The following ABCB1 variants were observed in gnomAD, a reference collection of about 807,000 sequenced individuals.
ABCB1 encodes the protein ATP-dependent translocase ABCB1.
Under a neutral mutation model 142.0 loss-of-function variants are expected in ABCB1, and 69 were observed. The ratio of observed to expected loss-of-function variants is 0.49; its 90% confidence interval spans 0.40 to 0.59. The LOEUF is 0.59. ABCB1 is among the 20% of genes least tolerant of loss of function. ABCB1 has a pLI of 0.00. For synonymous variants in ABCB1, 532 were observed against 539.2 expected (o/e 0.99, Z 0.18); for missense variants, 1,326 against 1,554.7 (o/e 0.85, Z 2.47).
At chr7:87,540,784 C>A (rs907407513) in intron 18 of ABCB1, among the ~76,000 whole-genome samples, 1 of 152,168 alleles carries the variant, frequency 6.6e-6, no homozygotes, top group Non-Finnish European at 1.5e-5. Flanking sequence ...TAATTCCTTG[C>A]CATTTCATTT....
At chr7:87,533,609 T>C (rs1181195241) in intron 20 of ABCB1, among the ~76,000 whole-genome samples, 1 of 152,212 alleles carries the variant, frequency 6.6e-6, no homozygotes, top group African/African-American at 2.4e-5. Flanking sequence ...CTCACTGTCC[T>C]ACATCTATTT....
chr7:87,709,124 A>G (rs1431123274), intron 1 of ABCB1: 1 of 315,306 alleles, frequency 3.2e-6, no homozygotes, highest in Non-Finnish European at 4.6e-6. Flanking sequence ...CTTATAATAT[A>G]ACAGGATTCC....
rs528218515 is a variant in ABCB1, at chr7:87,617,807, C to T, written c.-330-16729G>A. 2.0e-4 allele frequency among the ~76,000 whole-genome samples: 31 copies of T among 152,228 alleles called. No individual in the cohort carries two copies. In the East Asian group the frequency reaches 5.8e-3, roughly 28 times the overall value. ...GTTTCAAACTGTTCCAAGGGCTTCT[C>T]AACATTCTTAGGATAAAGATGAAAA... On this transcript the variant is annotated intron_variant, in intron 1 of 28. Coordinates refer to the ABCB1 transcript ENST00000265724.
At chr7:87,615,717 C>T (rs941252643) in intron 1 of ABCB1, among the ~76,000 whole-genome samples, 5 of 152,208 alleles carry the variant, frequency 3.3e-5, no homozygotes, top group African/African-American at 1.2e-4. Flanking sequence ...AATTTGTAGA[C>T]TTTGTGATAC....
At chr7:87,570,405 T>C (rs1354117128) in intron 4 of ABCB1, among the ~76,000 whole-genome samples, 182 bp from the exon 5 acceptor site, 1 of 152,246 alleles carries the variant, frequency 6.6e-6, no homozygotes, top group Non-Finnish European at 1.5e-5. Context: ...GCTGACTGTG[T>C]GCAACCACAT....
chr7:87,621,939 T>C (rs1388649038), intron 1 of ABCB1, among the ~76,000 whole-genome samples: 1 of 152,126 alleles, frequency 6.6e-6, no homozygotes, highest in Non-Finnish European at 1.5e-5. Flanking sequence ...ATAAATAGAA[T>C]TGGGACAGTG....
In ABCB1 at chr7:87,560,522, T is replaced by C. The variant is rs577667382; in HGVS notation, c.827+741A>G. 2.0e-5 allele frequency among the ~76,000 whole-genome samples: 3 copies of C among 152,332 alleles called. No homozygotes were observed. In the East Asian group the frequency reaches 5.8e-4, roughly 29 times the overall value. On this transcript the variant is annotated intron_variant, in intron 8 of 27. Transcript: ENST00000622132. ...TAGAGCTAACCATTATTCTGATTTC[T>C]GAAAATTCCCTTGGTTTTCTTCATG... is the stretch of plus-strand genomic sequence containing the variant.
At chr7:87,571,948 G>C (rs1818075017) in intron 4 of ABCB1, among the ~76,000 whole-genome samples, 1 of 152,160 alleles carries the variant, frequency 6.6e-6, no homozygotes, top group African/African-American at 2.4e-5. Context: ...CAGAAGGTAA[G>C]GAAGAAACAA....
chr7:87,578,873 T>A (rs1818386053), intron 4 of ABCB1, among the ~76,000 whole-genome samples: 1 of 151,700 alleles, frequency 6.6e-6, no homozygotes, highest in Admixed American at 6.6e-5. Context: ...TTTTGTATTT[T>A]TAGTAGAGAC....
At chr7:87,550,123 A>G (rs1380027642) in intron 12 of ABCB1, 48 bp downstream of exon 12, 1 of 1,614,024 alleles carries the variant, frequency 6.2e-7, no homozygotes, top group Non-Finnish European at 8.5e-7. Context: ...AAGATGTGCA[A>G]TGTGACTGCT....
At chr7:87,593,524 T>A (rs1470057613) in intron 3 of ABCB1, among the ~76,000 whole-genome samples, 1 of 152,244 alleles carries the variant, frequency 6.6e-6, no homozygotes, top group Admixed American at 6.5e-5. Flanking sequence ...AAGGCCTGTA[T>A]ACAAAGGTTG....
intron 1 of ABCB1, among the ~76,000 whole-genome samples, chr7:87,619,825 T>A (rs1427722289): frequency 6.6e-6 from 1 of 151,974 alleles, no homozygotes; most frequent in Admixed American, 6.6e-5. Flanking sequence ...ATTAATGCCA[T>A]TGTCATTTTG....
intron 20 of ABCB1, among the ~76,000 whole-genome samples, chr7:87,534,485 T>C (rs1190345556): frequency 6.6e-6 from 1 of 152,196 alleles, no homozygotes; most frequent in Non-Finnish European, 1.5e-5. Context: ...TTACTAAAGT[T>C]AGCAGTGCAA....
intron 9 of ABCB1, among the ~76,000 whole-genome samples, chr7:87,551,801 A>C (rs1817084380): frequency 6.6e-6 from 1 of 152,212 alleles, no homozygotes; most frequent in African/African-American, 2.4e-5. Context: ...CAGGGCTAGA[A>C]TATTATAATA....
At chr7:87,664,847 G>A (rs1047486095) in intron 1 of ABCB1, among the ~76,000 whole-genome samples, 1 of 152,092 alleles carries the variant, frequency 6.6e-6, no homozygotes, top group Non-Finnish European at 1.5e-5. Flanking sequence ...TAGATTTGGG[G>A]AAGATAAATT....
chr7:87,579,715 C>T (rs557961372), intron 4 of ABCB1, among the ~76,000 whole-genome samples: 2 of 152,014 alleles, frequency 1.3e-5, no homozygotes, highest in South Asian at 4.2e-4. Context: ...TTGTGATCTT[C>T]TCTTCCTTCT....
intron 1 of ABCB1, among the ~76,000 whole-genome samples, chr7:87,621,484 CA>C (rs1820221360): frequency 6.6e-6 from 1 of 152,054 alleles, no homozygotes; most frequent in African/African-American, 2.4e-5. Context: ...GACTCTTACA[CA>C]AAGATAACTC....
chr7:87,637,820 AT>A (rs918346236), intron 1 of ABCB1, among the ~76,000 whole-genome samples: 128 of 151,176 alleles, frequency 8.5e-4, no homozygotes, highest in African/African-American at 2.9e-3. Context: ...TGCAGTTAAA[AT>A]TTTTTTTTCT....
chr7:87,555,262 C>T (rs1026162198), intron 8 of ABCB1, among the ~76,000 whole-genome samples: 7 of 152,110 alleles, frequency 4.6e-5, no homozygotes, highest in African/African-American at 1.7e-4. Context: ...TTTTCTTAAT[C>T]GCAACTCCCT....
Sources: allele counts gnomAD v4.1 joint callset (sites outside exome capture counted in the v4.1 genomes callset), GRCh38; gene constraint gnomAD v4.1.1; transcripts MANE v1.5; gene names NCBI Gene and HGNC (gene_info 2026-07-23, HGNC 2026-07-21).